Variants in OTUD7A observed in about 807,000 individuals in gnomAD.
OTUD7A encodes the protein OTU deubiquitinase 7A.
OTUD7A carries 12 observed loss-of-function variants against 65.7 expected under a neutral mutation model. That is an observed-to-expected ratio of 0.18 (90% CI 0.12 to 0.30). The LOEUF is 0.30. OTUD7A is among the 10% of genes least tolerant of loss of function. OTUD7A has a pLI of 1.00. For synonymous variants in OTUD7A, 641 were observed against 586.3 expected (o/e 1.09, Z -1.35); for missense variants, 1,148 against 1,304.8 (o/e 0.88, Z 1.85).
At chr15:31,727,460 AG>A (rs1344609428) in intron 1 of OTUD7A, among the ~76,000 whole-genome samples, 1 of 152,106 alleles carries the variant, frequency 6.6e-6, no homozygotes, top group African/African-American at 2.4e-5. Context: ...AGTATTCAAT[AG>A]GTATTTTAGA....
intron 5 of OTUD7A, among the ~76,000 whole-genome samples, chr15:31,532,901 T>G (rs929884101): frequency 2.0e-5 from 3 of 146,864 alleles, no homozygotes; most frequent in Admixed American, 1.4e-4. Context: ...GCCACTGCAC[T>G]TAGGCCTGGG....
intron 1 of OTUD7A, among the ~76,000 whole-genome samples, chr15:31,754,127 G>A (rs1894742304): frequency 6.6e-6 from 1 of 152,064 alleles, no homozygotes; most frequent in Non-Finnish European, 1.5e-5. Flanking sequence ...GTGATGTTGA[G>A]CATTTTTTCA....
intron 1 of OTUD7A, among the ~76,000 whole-genome samples, chr15:31,821,230 G>A (rs1896674777): frequency 6.8e-6 from 1 of 147,090 alleles, no homozygotes; most frequent in Admixed American, 7.0e-5. Context: ...CCACCTCCCG[G>A]GTTCAAGCGA....
rs184271403 is a variant in OTUD7A at position 31,718,356 on chromosome 15, C to T, written c.-99-61279G>A. ...GTGGTCATCAAATGGTGACTATTTCCTTCCTTTCTCCTACATTTATTAGCT... is the reference window on the plus strand; with the variant it reads ...GTGGTCATCAAATGGTGACTATTTCTTTCCTTTCTCCTACATTTATTAGCT... On this transcript the variant is annotated intron_variant, in intron 1 of 12. Coordinates refer to ENST00000307050, the MANE Select transcript of OTUD7A (RefSeq NM_001382637.1). 1.2e-3 allele frequency among the ~76,000 whole-genome samples: 179 copies of T among 152,246 alleles called. 5 individuals are homozygous for T. The highest frequency in any genetic ancestry group is 4.2e-3 in the African/African-American group (173 of 41,532).
intron 1 of OTUD7A, among the ~76,000 whole-genome samples, chr15:31,713,491 C>T (rs192972694): frequency 5.3e-4 from 81 of 152,096 alleles, no homozygotes; most frequent in African/African-American, 1.8e-3. Flanking sequence ...TGGTGGTGGG[C>T]GCCTGTAGTC....
intron 5 of OTUD7A, among the ~76,000 whole-genome samples, chr15:31,545,427 G>T (rs1208618558): frequency 2.0e-5 from 3 of 152,074 alleles, no homozygotes; most frequent in Non-Finnish European, 4.4e-5. Flanking sequence ...AACTATTTTA[G>T]TCATGATCTT....
intron 1 of OTUD7A, chr15:31,767,757 C>T: frequency 1.4e-6 from 1 of 708,982 alleles, no homozygotes; most frequent in Non-Finnish European, 2.6e-6. Flanking sequence ...AAATGTAATC[C>T]ATGCTTTTCA....
At chr15:31,651,458 T>C (rs1891832642) in intron 3 of OTUD7A, among the ~76,000 whole-genome samples, 1 of 151,978 alleles carries the variant, frequency 6.6e-6, no homozygotes, top group South Asian at 2.1e-4. Context: ...TTTTGAATAG[T>C]CTTCGTCAGT....
chr15:31,589,481 T>C (rs1341852533), intron 3 of OTUD7A, among the ~76,000 whole-genome samples: 2 of 150,470 alleles, frequency 1.3e-5, no homozygotes, highest in East Asian at 3.9e-4. Context: ...TTTTTTTTTT[T>C]CTGTAGAGAC....
At chr15:31,746,374 A>G (rs997404068) in intron 1 of OTUD7A, among the ~76,000 whole-genome samples, 7 of 152,200 alleles carry the variant, frequency 4.6e-5, no homozygotes, top group African/African-American at 1.2e-4. Context: ...ATATGTATAC[A>G]TATGTTCTTT....
rs879993445 is a variant in OTUD7A at position 31,678,361 on chromosome 15, A to G, written c.-99-21284T>C. On this transcript the variant is annotated intron_variant, in intron 1 of 12. Transcript: ENST00000307050. Reference sequence around the variant, plus strand: ...ATTCAAGCTGGCTGTAGAAATGTACATAAGTAATGAGGAGCCAAATGTTAA... The same window carrying G: ...ATTCAAGCTGGCTGTAGAAATGTACGTAAGTAATGAGGAGCCAAATGTTAA... Among the ~76,000 whole-genome samples, 10 of 152,266 alleles carry G rather than the reference A, an allele frequency of 6.6e-5. No homozygotes were observed. In the South Asian group the frequency reaches 1.2e-3, roughly 19 times the overall value.
rs117719850 is a variant in OTUD7A, at chr15:31,687,510, C to T, written c.-99-30433G>A. On this transcript the variant is annotated intron_variant, in intron 1 of 12. Transcript: ENST00000307050. ...AGCAAGGCCAGCCACAGGCTGTACC[C>T]TCTACCATATGCCTCCTGCGATGGT... Among the ~76,000 whole-genome samples, 26 of 152,334 alleles carry T rather than the reference C, an allele frequency of 1.7e-4. No individual in the cohort carries two copies. In the East Asian group the frequency reaches 5.0e-3, roughly 29 times the overall value.
chr15:31,768,038 T>C, intron 1 of OTUD7A: 1 of 1,601,160 alleles, frequency 6.2e-7, no homozygotes. Flanking sequence ...TCTTAATAGG[T>C]CATAAAGCCA....
At chr15:31,632,636 A>G (rs1364891999) in intron 3 of OTUD7A, among the ~76,000 whole-genome samples, 3 of 151,994 alleles carry the variant, frequency 2.0e-5, no homozygotes, top group Non-Finnish European at 4.4e-5. Flanking sequence ...GAGAACCACT[A>G]CTCTCTTCAA....
At chr15:31,658,501 C>A (rs372952289) in intron 1 of OTUD7A, among the ~76,000 whole-genome samples, 174 of 152,276 alleles carry the variant, frequency 1.1e-3, no homozygotes, top group East Asian at 7.5e-3. Context: ...GGAGCTGCTA[C>A]TCTGTTCAGG....
At chr15:31,538,706 G>A (rs929670172) in intron 5 of OTUD7A, among the ~76,000 whole-genome samples, 1 of 152,100 alleles carries the variant, frequency 6.6e-6, no homozygotes, top group Non-Finnish European at 1.5e-5. Context: ...CTCAAATTTT[G>A]TAAAGTGCCA....
At chr15:31,838,671 C>T (rs185320069) in intron 1 of OTUD7A, among the ~76,000 whole-genome samples, 152 of 142,576 alleles carry the variant, frequency 1.1e-3, no homozygotes, top group African/African-American at 3.6e-3. Flanking sequence ...CCCCCCACTA[C>T]TCCTAAGTGA....
intron 3 of OTUD7A, among the ~76,000 whole-genome samples, chr15:31,597,759 G>A (rs1006918537): frequency 4.7e-5 from 7 of 147,718 alleles, no homozygotes. Context: ...AGCCCTTCTT[G>A]TTTTTGGAGA....
At chr15:31,805,115 T>A (rs1268653872) in intron 1 of OTUD7A, among the ~76,000 whole-genome samples, 1 of 152,218 alleles carries the variant, frequency 6.6e-6, no homozygotes, top group Non-Finnish European at 1.5e-5. Context: ...ACACAGCCCC[T>A]GCAGAGGCAA....
Sources: allele counts gnomAD v4.1 joint callset (sites outside exome capture counted in the v4.1 genomes callset), GRCh38; gene constraint gnomAD v4.1.1; transcripts MANE v1.5; gene names NCBI Gene and HGNC (gene_info 2026-07-23, HGNC 2026-07-21).